The following SLC26A4 variants were observed in gnomAD, a reference collection of about 807,000 sequenced individuals.
SLC26A4 encodes the protein solute carrier family 26 member 4.
SLC26A4 carries 93 observed loss-of-function variants against 90.4 expected under a neutral mutation model. The ratio of observed to expected loss-of-function variants is 1.03; its 90% CI spans 0.87 to 1.22. SLC26A4 has a LOEUF of 1.22. SLC26A4 is among the 50% of genes most tolerant of loss of function. The pLI is 0.00. For missense variants in SLC26A4, 1,127 were observed against 946.2 expected (o/e 1.19, Z -2.51); for synonymous variants, 393 against 354.6 (o/e 1.11, Z -1.22).
rs2129309167 is a variant in SLC26A4, at chr7:107,663,324, C to T, written c.193C>T (p.Leu65=). ...SCSRKRAFGV[L]KTLVPILEWL... ...TTCAAGAAAGAGAGCCTTTGGTGTG[C>T]TAAAGACTCTTGTGCCCATCTTGGA... is the stretch of plus-strand genomic sequence containing the variant. Residue 65 remains leucine (L), a synonymous_variant, in exon 3 of 21, where the codon CTA becomes TTA. Coordinates refer to ENST00000644269, the MANE Select transcript of SLC26A4 (RefSeq NM_000441.2). 6.2e-7 allele frequency: 1 copy of T among 1,614,214 alleles called. No individual in the cohort carries two copies. Among genetic ancestry groups the T allele is most frequent in the South Asian group, 1.1e-5 (1 of 91,078 alleles).
intron 17 of SLC26A4, 49 bp downstream of exon 17, chr7:107,702,106 A>T (rs1791910700): frequency 1.6e-6 from 2 of 1,232,384 alleles, no homozygotes; most frequent in African/African-American, 3.0e-5. Flanking sequence ...TGGCAATAGT[A>T]AAATGATGTG....
chr7:107,688,431 T>G (rs1178120980), intron 8 of SLC26A4, among the ~76,000 whole-genome samples: 2 of 152,208 alleles, frequency 1.3e-5, no homozygotes, highest in Non-Finnish European at 2.9e-5. Context: ...TTTTTTTATA[T>G]GGTTTGTAGG....
At chr7:107,672,410 A>G (rs899593839) in intron 4 of SLC26A4, among the ~76,000 whole-genome samples, 162 bp downstream of exon 4, 2 of 150,466 alleles carry the variant, frequency 1.3e-5, no homozygotes, top group African/African-American at 4.9e-5. Flanking sequence ...CCAACCTAAT[A>G]TATCTGTGTT....
intron 6 of SLC26A4, among the ~76,000 whole-genome samples, chr7:107,679,057 C>G (rs1791103821): frequency 6.6e-6 from 1 of 152,128 alleles, no homozygotes; most frequent in African/African-American, 2.4e-5. Context: ...AAAAAGAAAT[C>G]AGTTAATTTA....
chr7:107,706,752 C>A (rs1792045112), intron 18 of SLC26A4, among the ~76,000 whole-genome samples: 1 of 152,090 alleles, frequency 6.6e-6, no homozygotes, highest in Non-Finnish European at 1.5e-5. Flanking sequence ...AGAACAGATT[C>A]TATTGAACTT....
At chr7:107,712,481 G>A in intron 19 of SLC26A4, 58 bp from the exon 20 acceptor site, 1 of 851,182 alleles carries the variant, frequency 1.2e-6, no homozygotes, top group Non-Finnish European at 2.1e-6. Flanking sequence ...ATCATTTTCA[G>A]TGGAGCATCA....
At chr7:107,685,692 C>G (rs2712211) in intron 8 of SLC26A4, among the ~76,000 whole-genome samples, 34,339 of 152,156 alleles carry the variant, frequency 0.23, 4,674 homozygotes, top group South Asian at 0.42. Flanking sequence ...CACTAGGATT[C>G]ACTCATTCTC....
intron 6 of SLC26A4, among the ~76,000 whole-genome samples, chr7:107,682,130 A>AAAT (rs1491372077): frequency 8.2e-5 from 6 of 73,400 alleles, no homozygotes; most frequent in South Asian, 4.1e-4. Flanking sequence ...AAAAAAAAAA[A>AAAT]TTTTTTTTAT....
intron 13 of SLC26A4, 122 bp downstream of exon 13, chr7:107,696,161 T>C (rs577219608): frequency 2.7e-6 from 2 of 754,122 alleles, no homozygotes; most frequent in South Asian, 2.8e-5. Flanking sequence ...TATTGAGTGC[T>C]TCTATGCATT....
At chr7:107,706,316 T>C (rs1035251258) in intron 18 of SLC26A4, among the ~76,000 whole-genome samples, 5 of 152,198 alleles carry the variant, frequency 3.3e-5, no homozygotes, top group African/African-American at 1.2e-4. Flanking sequence ...GGCGAGGTAT[T>C]GCTTGCCTGT....
chr7:107,662,456 C>T (rs542865555), intron 2 of SLC26A4, among the ~76,000 whole-genome samples: 2 of 151,434 alleles, frequency 1.3e-5, no homozygotes, highest in African/African-American at 4.9e-5. Flanking sequence ...GAACTCCCCA[C>T]CCCCACCGTT....
At position 107,683,271 on chromosome 7, in the gene SLC26A4, A is replaced by G. The variant is rs1380596703; in HGVS notation, c.835A>G (p.Ile279Val). ...LADFTAGLLTIVVCMAVKELN... is the reference protein window; with the variant it reads ...LADFTAGLLTVVVCMAVKELN... Reference sequence around the variant, plus strand: ...TGATTTCACTGCTGGATTGCTCACCATTGTCGTCTGTATGGCAGTTAAGGA... The same window carrying G: ...TGATTTCACTGCTGGATTGCTCACCGTTGTCGTCTGTATGGCAGTTAAGGA... The change falls in exon 7 of 21, where the codon ATT becomes GTT. Residue 279 changes from isoleucine to valine, a missense_variant. Physicochemically the swap from Ile to Val is conservative, Grantham distance 29 (BLOSUM62 3). Transcript: ENST00000644269. The G allele has an allele frequency of 1.9e-6, 3 of 1,613,328 alleles. No homozygotes were observed. Among genetic ancestry groups the G allele is most frequent in the Non-Finnish European group, 1.7e-6 (2 of 1,179,742 alleles).
At chr7:107,676,534 T>A (rs1791028305) in intron 6 of SLC26A4, among the ~76,000 whole-genome samples, 1 of 152,186 alleles carries the variant, frequency 6.6e-6, no homozygotes, top group African/African-American at 2.4e-5. Context: ...GATCTAAAAA[T>A]GTGTTCTACA....
intron 8 of SLC26A4, among the ~76,000 whole-genome samples, chr7:107,686,294 A>ACCTTCCCTCCCTTCCCTC (rs143524153): frequency 5.6e-5 from 6 of 107,030 alleles, no homozygotes; most frequent in Admixed American, 3.1e-4. Context: ...TCCCTTTCCT[A>ACCTTCCCTCCCTTCCCTC]CCTTCCCTCC....
At chr7:107,692,668 C>T (rs1314010014) in intron 10 of SLC26A4, among the ~76,000 whole-genome samples, 1 of 152,122 alleles carries the variant, frequency 6.6e-6, no homozygotes, top group Non-Finnish European at 1.5e-5. Flanking sequence ...AACATTGGAA[C>T]CTTTTCTTTC....
intron 8 of SLC26A4, among the ~76,000 whole-genome samples, chr7:107,684,912 C>T (rs2129314823): frequency 6.6e-6 from 1 of 152,314 alleles, no homozygotes; most frequent in Non-Finnish European, 1.5e-5. Context: ...GGCCCTGTCC[C>T]ATCCATCCGT....
chr7:107,699,865 T>C (rs1300282787), intron 14 of SLC26A4, among the ~76,000 whole-genome samples: 1 of 151,008 alleles, frequency 6.6e-6, no homozygotes, highest in East Asian at 1.9e-4. Flanking sequence ...GAGGTGGAGG[T>C]TGCAGTGAGC....
intron 20 of SLC26A4, among the ~76,000 whole-genome samples, chr7:107,715,005 A>G (rs1236000361): frequency 2.0e-5 from 3 of 150,324 alleles, no homozygotes; most frequent in African/African-American, 4.9e-5. Context: ...CAGGGGGATC[A>G]CTTGAGGTCA....
Position 107,710,199 on chromosome 7 carries a change from G to T in SLC26A4, c.2235G>T (p.Thr745=). The change falls in exon 19 of 21, where the codon ACG becomes ACT. Residue 745 remains threonine (T), a splice_region_variant and synonymous_variant. Transcript: ENST00000644269. ...AGGGTCAAGGTTCCATTTTAGAAAC[G>T]GTAAATATTCAACCTTTCTACAGAT... ...SQEGQGSILE[T]ITLIQDCKDT... is the part of the protein sequence containing the mutation. 6.3e-7 allele frequency: 1 copy of T among 1,590,102 alleles called. No homozygotes were observed. The highest frequency in any genetic ancestry group is 8.6e-7 in the Non-Finnish European group (1 of 1,158,390).
Sources: gnomAD v4.1 joint callset for allele counts (sites outside exome capture counted in the v4.1 genomes callset) on GRCh38, gnomAD v4.1.1 for gene constraint, MANE v1.5 for transcripts, NCBI Gene and HGNC (gene_info 2026-07-23, HGNC 2026-07-21) for gene names.